The following RIMS1 variants were observed in gnomAD, a reference collection of about 807,000 sequenced individuals.
The protein encoded by RIMS1 is regulating synaptic membrane exocytosis 1.
In RIMS1, 83 loss-of-function variants were observed where a neutral mutation model predicts 214.1. The observed-to-expected ratio is 0.39, with a 90% CI of 0.32 to 0.47. The LOEUF is 0.47. Ranked by LOEUF, RIMS1 falls within the 20% of genes least tolerant of loss-of-function variation. The probability of loss-of-function intolerance (pLI) is 0.99; values close to 1 mark genes in which losing one functional copy is unlikely to be tolerated. For synonymous variants in RIMS1, 793 were observed against 786.8 expected (o/e 1.01, Z -0.13); for missense variants, 2,050 against 2,161.8 (o/e 0.95, Z 1.03).
At chr6:72,051,153 C>T (rs1824533992) in intron 2 of RIMS1, among the ~76,000 whole-genome samples, 1 of 152,132 alleles carries the variant, frequency 6.6e-6, no homozygotes, top group South Asian at 2.1e-4. Flanking sequence ...TTCGTTATCT[C>T]AGTCTGACAA....
intron 29 of RIMS1, among the ~76,000 whole-genome samples, chr6:72,340,713 G>T (rs2097047019): frequency 6.6e-6 from 1 of 152,052 alleles, no homozygotes; most frequent in South Asian, 2.1e-4. Context: ...AAGTCAGGTA[G>T]CATGATGCCT....
chr6:72,199,708 T>C (rs748410536), intron 6 of RIMS1, among the ~76,000 whole-genome samples: 1 of 152,102 alleles, frequency 6.6e-6, no homozygotes, highest in Non-Finnish European at 1.5e-5. Context: ...TGTTTAAATA[T>C]AGAATTGTAG....
At chr6:72,215,204 T>C (rs2055316096) in intron 6 of RIMS1, among the ~76,000 whole-genome samples, 1 of 152,288 alleles carries the variant, frequency 6.6e-6, no homozygotes, top group Non-Finnish European at 1.5e-5. Context: ...TTAATGACCA[T>C]ATCATAATGG....
At chr6:72,124,892 A>G (rs1375133016) in intron 4 of RIMS1, among the ~76,000 whole-genome samples, 1 of 152,044 alleles carries the variant, frequency 6.6e-6, no homozygotes, top group Non-Finnish European at 1.5e-5. Context: ...TCTTTTTTCA[A>G]GGTTTTTAGC....
rs115346251 is a variant in RIMS1 at position 72,297,880 on chromosome 6, A to G, written c.3850+5834A>G. Among the ~76,000 whole-genome samples the G allele has an allele frequency of 3.8e-3, 575 of 152,174 alleles. 3 individuals are homozygous for G. Among genetic ancestry groups the G allele is most frequent in the African/African-American group, 0.013 (556 of 41,566 alleles). ...AACCCAAAAGAAAGGAAAAGTTCAC[A>G]GCATAGAAATCCTACTTCTGTGAGC... is the stretch of plus-strand genomic sequence containing the variant. On this transcript the variant is annotated intron_variant, in intron 26 of 33. Coordinates refer to ENST00000521978, the MANE Select transcript of RIMS1 (RefSeq NM_014989.7).
At chr6:72,066,559 T>A (rs1829346822) in intron 2 of RIMS1, among the ~76,000 whole-genome samples, 1 of 152,180 alleles carries the variant, frequency 6.6e-6, no homozygotes, top group South Asian at 2.1e-4. Flanking sequence ...TTATAACTCT[T>A]CCCTGTGCTC....
chr6:72,052,486 C>A (rs1177794746), intron 2 of RIMS1, among the ~76,000 whole-genome samples: 1 of 152,162 alleles, frequency 6.6e-6, no homozygotes, highest in Non-Finnish European at 1.5e-5. Flanking sequence ...CACTCATTGA[C>A]CTGCTTTCAC....
intron 2 of RIMS1, among the ~76,000 whole-genome samples, chr6:72,022,621 C>A (rs1054307852): frequency 6.6e-6 from 1 of 152,032 alleles, no homozygotes; most frequent in Admixed American, 6.6e-5. Flanking sequence ...ATGCAGAAAA[C>A]CTTGGTGAAT....
intron 3 of RIMS1, among the ~76,000 whole-genome samples, chr6:72,098,014 A>G (rs544533785): frequency 6.6e-6 from 1 of 152,272 alleles, no homozygotes; most frequent in African/African-American, 2.4e-5. Flanking sequence ...CTTAATGTAG[A>G]ACAGTTACAA....
intron 2 of RIMS1, among the ~76,000 whole-genome samples, chr6:72,056,357 C>G (rs1405452514): frequency 6.6e-6 from 1 of 152,066 alleles, no homozygotes; most frequent in Non-Finnish European, 1.5e-5. Context: ...ATACCAAACA[C>G]CCATGACATG....
At chr6:72,391,606 A>T (rs1250547653) in intron 30 of RIMS1, among the ~76,000 whole-genome samples, 2 of 152,286 alleles carry the variant, frequency 1.3e-5, no homozygotes, top group East Asian at 3.9e-4. Flanking sequence ...GAATTTTTCT[A>T]TATTGTTTAG....
At chr6:72,264,748 A>G (rs1223986883) in intron 19 of RIMS1, among the ~76,000 whole-genome samples, 1 of 152,136 alleles carries the variant, frequency 6.6e-6, no homozygotes, top group Non-Finnish European at 1.5e-5. Flanking sequence ...TCTAATTCAG[A>G]TAATTAAATA....
chr6:72,340,941 T>C (rs1173800987), intron 29 of RIMS1, among the ~76,000 whole-genome samples: 2 of 152,114 alleles, frequency 1.3e-5, no homozygotes, highest in African/African-American at 4.8e-5. Flanking sequence ...CATTTGTTTG[T>C]ATCCTCTTTT....
chr6:71,934,746 A>G (rs1784001261), intron 1 of RIMS1, among the ~76,000 whole-genome samples: 1 of 152,230 alleles, frequency 6.6e-6, no homozygotes, highest in South Asian at 2.1e-4. Flanking sequence ...TCCTAGGAAT[A>G]ACTCTCAAAT....
At chr6:72,323,238 G>A (rs1284612144) in intron 28 of RIMS1, among the ~76,000 whole-genome samples, 1 of 151,904 alleles carries the variant, frequency 6.6e-6, no homozygotes, top group African/African-American at 2.4e-5. Context: ...AGCCTCCACA[G>A]GGTTTCATCC....
intron 2 of RIMS1, among the ~76,000 whole-genome samples, chr6:72,045,667 C>T (rs960896865): frequency 5.9e-5 from 9 of 151,860 alleles, no homozygotes; most frequent in African/African-American, 2.4e-5. Flanking sequence ...CATAGGACAT[C>T]GTATGTTTTA....
chr6:72,226,729 A>C (rs1226082357), intron 6 of RIMS1, among the ~76,000 whole-genome samples: 1 of 148,508 alleles, frequency 6.7e-6, no homozygotes, highest in East Asian at 2.0e-4. Context: ...ATTTTTACAA[A>C]CAACAGGACT....
Position 72,182,771 on chromosome 6 carries a change from G to C in RIMS1, c.1300G>C (p.Ala434Pro), listed in dbSNP as rs1247997299. 7.1e-6 allele frequency: 11 copies of C among 1,544,944 alleles called. No homozygotes were observed. Among genetic ancestry groups the C allele is most frequent in the Non-Finnish European group, 8.7e-6 (10 of 1,149,596 alleles). The change falls in exon 6 of 34, where the codon GCG (alanine) becomes CCG (proline). Residue 434 changes from alanine (A) to proline (P), a missense_variant. Coordinates refer to ENST00000521978, the MANE Select transcript of RIMS1 (RefSeq NM_014989.7). Reference sequence around the variant, plus strand: ...GCGGGCTTACTCGGCTGAGAGAACTGCGGAGACCAGGGCGCCGGGCGCCAA... The same window carrying C: ...GCGGGCTTACTCGGCTGAGAGAACTCCGGAGACCAGGGCGCCGGGCGCCAA... ...SPRAYSAERT[A>P]ETRAPGAKQL...
rs994706606 is a variant in RIMS1, at chr6:71,990,477, A to G, written c.245+21414A>G. On this transcript the variant is annotated intron_variant, in intron 2 of 33. Transcript: ENST00000521978. ...AATACATTTAATGAAGCCTTGTAAG[A>G]CTGTGGTCAGCTATTATTAACAGGT... Among the ~76,000 whole-genome samples, 5 of 152,288 alleles carry G rather than the reference A, an allele frequency of 3.3e-5. No homozygotes were observed. In the South Asian group the frequency reaches 1.0e-3, roughly 32 times the overall value.
Sources: allele counts gnomAD v4.1 joint callset (sites outside exome capture counted in the v4.1 genomes callset), GRCh38; gene constraint gnomAD v4.1.1; transcripts MANE v1.5; gene names NCBI Gene and HGNC (gene_info 2026-07-23, HGNC 2026-07-21).